RBFOX1: variants seen among roughly 807,000 people sequenced by gnomAD.
RBFOX1 encodes RNA binding protein fox-1 homolog 1.
In RBFOX1, 8 loss-of-function variants were observed where a neutral mutation model predicts 57.7. The ratio of observed to expected loss-of-function variants is 0.14; its 90% CI spans 0.08 to 0.25. RBFOX1 has a LOEUF of 0.25. RBFOX1 is among the 10% of genes least tolerant of loss of function. The probability of loss-of-function intolerance (pLI) is 1.00; values close to 1 mark genes in which losing one functional copy is unlikely to be tolerated. For missense variants in RBFOX1, 611 were observed against 548.5 expected, an observed-to-expected ratio of 1.11 and a Z score of -1.14; for synonymous variants, 326 against 222.4, an observed-to-expected ratio of 1.47 and a Z score of -4.15.
intron 3 of RBFOX1, among the ~76,000 whole-genome samples, chr16:6,774,903 C>A (rs944812697): frequency 6.6e-6 from 1 of 152,098 alleles, no homozygotes; most frequent in East Asian, 1.9e-4. Context: ...ATAAACTTAA[C>A]CCCATTGAGT....
chr16:5,571,372 C>T (rs2046277274), intron 2 of RBFOX1, among the ~76,000 whole-genome samples: 1 of 151,860 alleles, frequency 6.6e-6, no homozygotes, highest in African/African-American at 2.4e-5. Context: ...AGGTGCACAC[C>T]ACCACGCCCA....
intron 3 of RBFOX1, among the ~76,000 whole-genome samples, chr16:5,778,638 C>T (rs183187451): frequency 2.6e-4 from 39 of 152,244 alleles, no homozygotes; most frequent in African/African-American, 7.5e-4. Flanking sequence ...CTCATGGATC[C>T]GTTGATTGCA....
At chr16:6,070,073 TTTTG>T (rs1377670070) in intron 1 of RBFOX1, among the ~76,000 whole-genome samples, 1 of 152,096 alleles carries the variant, frequency 6.6e-6, no homozygotes, top group Non-Finnish European at 1.5e-5. Context: ...CATAGAATGG[TTTTG>T]TTTTTCTTTA....
At chr16:5,366,268 C>A in intron 1 of RBFOX1, 1 of 387,380 alleles carries the variant, frequency 2.6e-6, no homozygotes, top group Admixed American at 3.2e-5. Context: ...AAACTTGCTG[C>A]CGATGAAGAT....
chr16:7,555,094 A>AG (rs557496520), intron 5 of RBFOX1, among the ~76,000 whole-genome samples: 75 of 152,294 alleles, frequency 4.9e-4, no homozygotes, highest in East Asian at 1.3e-3. Context: ...GAGTAGGGTA[A>AG]GGGGGGGTTT....
intron 3 of RBFOX1, among the ~76,000 whole-genome samples, chr16:5,706,763 G>A (rs183981618): frequency 6.6e-6 from 1 of 152,022 alleles, no homozygotes; most frequent in Non-Finnish European, 1.5e-5. Flanking sequence ...GTCTCCGGGG[G>A]CACCCCTATG....
chr16:7,710,415 T>C, intron 15 of RBFOX1: 1 of 1,391,196 alleles, frequency 7.2e-7, no homozygotes, highest in East Asian at 2.8e-5. Context: ...CAGAATTTGG[T>C]TTTGCAGGGA....
intron 1 of RBFOX1, among the ~76,000 whole-genome samples, chr16:6,096,968 C>T (rs1383653952): frequency 2.0e-5 from 3 of 152,056 alleles, no homozygotes; most frequent in Non-Finnish European, 2.9e-5. Context: ...TGGCTGTGTC[C>T]CACCCAAATC....
At chr16:7,032,343 G>T (rs142113228) in intron 3 of RBFOX1, among the ~76,000 whole-genome samples, 1 of 151,992 alleles carries the variant, frequency 6.6e-6, no homozygotes, top group Admixed American at 6.6e-5. Flanking sequence ...TACTTGGGAG[G>T]CTGAGGCACA....
intron 3 of RBFOX1, among the ~76,000 whole-genome samples, chr16:5,627,952 A>G (rs1028237187): frequency 6.6e-6 from 1 of 152,230 alleles, no homozygotes; most frequent in African/African-American, 2.4e-5. Context: ...AAAACTGGTG[A>G]GAAGAGGCCA....
intron 2 of RBFOX1, among the ~76,000 whole-genome samples, chr16:6,601,237 A>G (rs2097849073): frequency 6.6e-6 from 1 of 152,134 alleles, no homozygotes; most frequent in South Asian, 2.1e-4. Context: ...TGAATGACGA[A>G]TTGAACCAGC....
chr16:7,404,931 C>T (rs554560351), intron 4 of RBFOX1, among the ~76,000 whole-genome samples: 3 of 152,166 alleles, frequency 2.0e-5, no homozygotes, highest in South Asian at 2.1e-4. Flanking sequence ...GATATGTGGG[C>T]GTAGGTCCTC....
chr16:6,121,988 C>A (rs902236186), intron 1 of RBFOX1, among the ~76,000 whole-genome samples: 1 of 152,254 alleles, frequency 6.6e-6, no homozygotes, highest in East Asian at 1.9e-4. Context: ...TCACTGCAAC[C>A]CCTGCCTCCG....
At chr16:6,691,006 A>C (rs2060130900) in intron 3 of RBFOX1, among the ~76,000 whole-genome samples, 1 of 152,162 alleles carries the variant, frequency 6.6e-6, no homozygotes, top group African/African-American at 2.4e-5. Flanking sequence ...GGAAACAAGT[A>C]CCAGCGCTTG....
intron 5 of RBFOX1, among the ~76,000 whole-genome samples, chr16:7,576,749 T>C (rs1221583879): frequency 2.6e-5 from 4 of 152,216 alleles, no homozygotes; most frequent in African/African-American, 9.6e-5. Context: ...CCTAATTAGG[T>C]TCATTAAACT....
rs73520487 is a variant in RBFOX1, at chr16:5,398,328, T to C, written c.220-68888T>C. On this transcript the variant is annotated intron_variant, in intron 1 of 2. Coordinates refer to the RBFOX1 transcript ENST00000585867. Reference sequence around the variant, plus strand: ...GTGTGCATGTGTGCTCGTGTGCATATGTGTTCATGTGTGCAGGTGTTTGAG... The same window carrying C: ...GTGTGCATGTGTGCTCGTGTGCATACGTGTTCATGTGTGCAGGTGTTTGAG... Among the ~76,000 whole-genome samples the C allele has an allele frequency of 3.2e-3, 483 of 152,110 alleles. 6 individuals are homozygous for C. The highest frequency in any genetic ancestry group is 0.011 in the African/African-American group (446 of 41,500).
chr16:5,434,434 G>A (rs1160578155), intron 1 of RBFOX1, among the ~76,000 whole-genome samples: 1 of 143,924 alleles, frequency 6.9e-6, no homozygotes, highest in Admixed American at 7.5e-5. Flanking sequence ...CGATTTTCCT[G>A]CCTTAGCCTC....
At chr16:6,564,288 T>C (rs909481732) in intron 2 of RBFOX1, among the ~76,000 whole-genome samples, 1 of 152,110 alleles carries the variant, frequency 6.6e-6, no homozygotes, top group African/African-American at 2.4e-5. Context: ...AATGAAAATA[T>C]GTGGCAGTAT....
chr16:5,379,639 A>T (rs935257586), intron 1 of RBFOX1, among the ~76,000 whole-genome samples: 5 of 152,188 alleles, frequency 3.3e-5, no homozygotes, highest in Non-Finnish European at 7.3e-5. Flanking sequence ...CATGAGCTCC[A>T]GCCACCAAAT....
Sources: allele counts gnomAD v4.1 joint callset (sites outside exome capture counted in the v4.1 genomes callset), GRCh38; gene constraint gnomAD v4.1.1; transcripts MANE v1.5; gene names NCBI Gene and HGNC (gene_info 2026-07-23, HGNC 2026-07-21).